PAFAH1B2: variants seen among roughly 807,000 people sequenced by gnomAD.
PAFAH1B2 encodes platelet activating factor acetylhydrolase 1b catalytic subunit 2.
Under a neutral mutation model 28.0 loss-of-function variants are expected in PAFAH1B2, and 8 were observed. The ratio of observed to expected loss-of-function variants is 0.29; its 90% CI spans 0.17 to 0.52. The LOEUF (loss-of-function observed/expected upper bound fraction) is 0.52. PAFAH1B2 is among the 20% of genes least tolerant of loss of function. The probability of loss-of-function intolerance (pLI) is 0.97; values close to 1 mark genes in which losing one functional copy is unlikely to be tolerated. For missense variants in PAFAH1B2, 190 were observed against 282.6 expected, an observed-to-expected ratio of 0.67 and a Z score of 2.35; for synonymous variants, 104 against 103.2, an observed-to-expected ratio of 1.01 and a Z score of -0.05.
At chr11:117,167,295 A>G (rs193020859) in intron 5 of PAFAH1B2, 126 bp from the exon 6 acceptor site, 38 of 972,128 alleles carry the variant, frequency 3.9e-5, no homozygotes, top group African/African-American at 1.3e-4. Context: ...GTATTTTCCA[A>G]TGTTTCACAA....
intron 1 of PAFAH1B2, 29 bp downstream of exon 1, chr11:117,144,447 G>C (rs1241598129): frequency 3.4e-6 from 1 of 290,106 alleles, no homozygotes; most frequent in South Asian, 2.3e-5. Context: ...GCAGGGAACC[G>C]GTGGCTTAGA....
chr11:117,177,992 T>C (rs1435439089), downstream of PAFAH1B2, among the ~76,000 whole-genome samples: 1 of 152,266 alleles, frequency 6.6e-6, no homozygotes, highest in African/African-American at 2.4e-5. Flanking sequence ...ATTATAAATA[T>C]CACAGTGATA....
Position 117,163,750 on chromosome 11 carries a change from C to G in PAFAH1B2, c.289-20C>G, listed in dbSNP as rs1302236689. The G allele has an allele frequency of 2.9e-5, 47 of 1,611,846 alleles. No homozygotes were observed. The highest frequency in any genetic ancestry group is 3.8e-5 in the Non-Finnish European group (45 of 1,178,788). ...CTGGGTATTTATCTTCTCCTTCCCC[C>G]CTTTTTTCTTCAATTGCAGGTCATT... On this transcript the variant is annotated intron_variant, in intron 4 of 5. Coordinates refer to ENST00000527958, the MANE Select transcript of PAFAH1B2 (RefSeq NM_002572.4).
rs1164121009 is a variant in PAFAH1B2, at chr11:117,144,358, G to A, written c.-68G>A. ...GCGGGACCGACGGGACCGAGCGAGC[G>A]ACCGACGCGCCACCCGCCGACGCCT... is the stretch of plus-strand genomic sequence containing the variant. On this transcript the variant is annotated 5_prime_UTR_variant, in exon 1 of 6. Coordinates refer to ENST00000527958, the MANE Select transcript of PAFAH1B2 (RefSeq NM_002572.4). The A allele has an allele frequency of 1.2e-5, 5 of 420,892 alleles. No homozygotes were observed. The Admixed American group carries it at 1.2e-4, about 10-fold the overall frequency. 26.1% of individuals were successfully genotyped at this position (420,892 alleles called of 1,614,324 possible). A position where few individuals can be genotyped will look rare whatever the true frequency, so the allele number is the denominator to read the frequency against.
downstream of PAFAH1B2, among the ~76,000 whole-genome samples, chr11:117,174,202 GT>G (rs1488974012): frequency 8.3e-4 from 124 of 149,652 alleles, no homozygotes; most frequent in South Asian, 9.6e-3. Context: ...GTGTGTGTGT[GT>G]GTGGCAGTTT....
At position 117,169,410 on chromosome 11, in the gene PAFAH1B2, A is replaced by G. The variant is rs1360504459; in HGVS notation, c.*1711A>G. On this transcript the variant is annotated 3_prime_UTR_variant, in exon 6 of 6. Coordinates refer to ENST00000527958, the MANE Select transcript of PAFAH1B2 (RefSeq NM_002572.4). The stretch of plus-strand genomic sequence containing the variant: ...GTGGGTATTGAAGTAACCCATCAAA[A>G]TATGCTCTGCAGTGATTCCGCTTAA... 9.5e-7 allele frequency: 1 copy of G among 1,052,574 alleles called. No individual in the cohort carries two copies. The highest frequency in any genetic ancestry group is 1.7e-5 in the African/African-American group (1 of 60,484). 65.2% of individuals were successfully genotyped at this position (1,052,574 alleles called of 1,614,324 possible).
chr11:117,161,668 C>A (rs1420529727), intron 4 of PAFAH1B2, among the ~76,000 whole-genome samples: 1 of 152,022 alleles, frequency 6.6e-6, no homozygotes, highest in East Asian at 1.9e-4. Flanking sequence ...CCACTGTGCC[C>A]AGCTAATTTT....
downstream of PAFAH1B2, among the ~76,000 whole-genome samples, chr11:117,172,369 TATATATATATATATATATATATATATATA>T (rs1956672162): frequency 4.3e-3 from 7 of 1,640 alleles, no homozygotes; most frequent in East Asian, 0.017. Flanking sequence ...TATATATATA[TATATATATATATATATATATATATATATA>T]TATATATTTT....
intron 4 of PAFAH1B2, among the ~76,000 whole-genome samples, chr11:117,163,493 G>A (rs951343941): frequency 1.1e-4 from 16 of 152,252 alleles, no homozygotes; most frequent in African/African-American, 2.9e-4. Context: ...GCAACGTGGT[G>A]AAACCCTGGT....
At chr11:117,150,879 T>C (rs1181520296) in intron 1 of PAFAH1B2, among the ~76,000 whole-genome samples, 4 of 151,730 alleles carry the variant, frequency 2.6e-5, no homozygotes, top group Non-Finnish European at 5.9e-5. Flanking sequence ...TCCCAGCTAC[T>C]TGGGAGGCTG....
In PAFAH1B2 at chr11:117,168,955, T is replaced by C. The variant is rs550664007; in HGVS notation, c.*1256T>C. 12 of 298,690 alleles carry C rather than the reference T, an allele frequency of 4.0e-5. No homozygotes were observed. The highest frequency in any genetic ancestry group is 6.2e-5 in the Non-Finnish European group (12 of 192,246). 18.5% of individuals were successfully genotyped at this position (298,690 alleles called of 1,614,324 possible). Reference sequence around the variant, plus strand: ...ACAGGTGCATGCCACCATGCCCGGCTAATTTTTATATTTTTATTAGAGACG... The same window carrying C: ...ACAGGTGCATGCCACCATGCCCGGCCAATTTTTATATTTTTATTAGAGACG... On this transcript the variant is annotated 3_prime_UTR_variant, in exon 6 of 6. Transcript: ENST00000527958.
rs1565274998 is a variant in PAFAH1B2 at position 117,168,445 on chromosome 11, C to CTTTTTT, written c.*746_*747insTTTTTT. The CTTTTTT allele has an allele frequency of 1.7e-5, 6 of 354,316 alleles. No individual in the cohort carries two copies. Among genetic ancestry groups the CTTTTTT allele is most frequent in the African/African-American group, 5.3e-5 (1 of 19,024 alleles). 21.9% of individuals were successfully genotyped at this position (354,316 alleles called of 1,614,324 possible). ...TTCCCCTTCATTCCCCCCGCCACCC[C>CTTTTTT]GTTTTTTTTTTTTTTTTTTTTTTTT... On this transcript the variant is annotated 3_prime_UTR_variant, in exon 6 of 6. Transcript: ENST00000527958.
rs150473023 is a variant in PAFAH1B2 at position 117,167,941 on chromosome 11, C to T, written c.*242C>T. 8.0e-4 allele frequency: 906 copies of T among 1,139,456 alleles called. No individual in the cohort carries two copies. The highest frequency in any genetic ancestry group is 9.1e-4 in the Non-Finnish European group (845 of 928,730). The allele number at this position is 1,139,456 out of a possible 1,614,324, so 70.6% of individuals were successfully genotyped here. ...AAATTCATTTGAAACCAGAAGGGGA[C>T]TTTTTAGTTGTATGTGTAACACATT... is the stretch of plus-strand genomic sequence containing the variant. On this transcript the variant is annotated 3_prime_UTR_variant, in exon 6 of 6. Coordinates refer to ENST00000527958, the MANE Select transcript of PAFAH1B2 (RefSeq NM_002572.4).
At position 117,169,414 on chromosome 11, in the gene PAFAH1B2, G is replaced by C; in HGVS notation, c.*1715G>C. 1 of 1,052,414 alleles carries C rather than the reference G, an allele frequency of 9.5e-7. No homozygotes were observed. The allele number at this position is 1,052,414 out of a possible 1,614,324, so 65.2% of individuals were successfully genotyped here. ...GTATTGAAGTAACCCATCAAAATATGCTCTGCAGTGATTCCGCTTAATGTT... is the reference window on the plus strand; with the variant it reads ...GTATTGAAGTAACCCATCAAAATATCCTCTGCAGTGATTCCGCTTAATGTT... On this transcript the variant is annotated 3_prime_UTR_variant, in exon 6 of 6. Coordinates refer to ENST00000527958, the MANE Select transcript of PAFAH1B2 (RefSeq NM_002572.4).
intron 1 of PAFAH1B2, among the ~76,000 whole-genome samples, chr11:117,147,478 ATGAG>A (rs1956041029): frequency 6.6e-6 from 1 of 152,130 alleles, no homozygotes; most frequent in African/African-American, 2.4e-5. Context: ...GATTACAGGC[ATGAG>A]ACACTGTACC....
chr11:117,160,046 T>A (rs1322311276), intron 3 of PAFAH1B2, 23 bp downstream of exon 3: 1 of 1,543,582 alleles, frequency 6.5e-7, no homozygotes, highest in Admixed American at 1.7e-5. Flanking sequence ...GGGATGAGCG[T>A]GGTTCTTGGC....
downstream of PAFAH1B2, chr11:117,171,595 A>G: frequency 1.2e-6 from 1 of 842,988 alleles, no homozygotes; most frequent in South Asian, 1.4e-5. Flanking sequence ...TTGAGCACGG[A>G]CTCATTTATC....
chr11:117,175,923 T>C (rs1211256395), downstream of PAFAH1B2: 9 of 1,535,712 alleles, frequency 5.9e-6, no homozygotes, highest in South Asian at 2.4e-5. Context: ...ACTGGCAAGA[T>C]GAGCAGGATT....
intron 2 of PAFAH1B2, among the ~76,000 whole-genome samples, chr11:117,156,289 C>T (rs573790457): frequency 6.6e-6 from 1 of 152,294 alleles, no homozygotes; most frequent in South Asian, 2.1e-4. Context: ...TAACGGCTAC[C>T]ATTTATCAAG....
Sources: allele counts gnomAD v4.1 joint callset (sites outside exome capture counted in the v4.1 genomes callset), GRCh38; gene constraint gnomAD v4.1.1; transcripts MANE v1.5; gene names NCBI Gene and HGNC (gene_info 2026-07-23, HGNC 2026-07-21).